TFB1M: variants seen among roughly 807,000 people sequenced by gnomAD.
TFB1M encodes dimethyladenosine transferase 1, mitochondrial.
TFB1M carries 27 observed loss-of-function variants against 31.1 expected under a neutral mutation model. The ratio of observed to expected loss-of-function variants is 0.87; its 90% CI spans 0.64 to 1.20. The LOEUF (loss-of-function observed/expected upper bound fraction) is 1.20. Ranked by LOEUF, TFB1M falls within the 50% of genes most tolerant of loss-of-function variation. TFB1M has a pLI of 0.00. For missense variants in TFB1M, 394 were observed against 418.7 expected (o/e 0.94, Z 0.51); for synonymous variants, 166 against 151.8 (o/e 1.09, Z -0.69).
At chr6:155,263,221 G>A (rs1784470981) in intron 5 of TFB1M, among the ~76,000 whole-genome samples, 1 of 152,070 alleles carries the variant, frequency 6.6e-6, no homozygotes, top group Admixed American at 6.6e-5. Context: ...ATACAAAAAT[G>A]TTTTTTACTT....
the TFB1M span, among the ~76,000 whole-genome samples, chr6:155,230,928 G>T: frequency 6.6e-6 from 1 of 151,608 alleles, no homozygotes. Context: ...CTGCCTCCCG[G>T]GTTCAAGCAG....
the TFB1M span, chr6:155,248,188 G>A: frequency 3.1e-6 from 5 of 1,611,534 alleles, no homozygotes; most frequent in African/African-American, 2.7e-5. Flanking sequence ...GGGTGAGGCG[G>A]CGGCGGCACC....
At chr6:155,265,741 A>T (rs925385815) in intron 5 of TFB1M, among the ~76,000 whole-genome samples, 1 of 145,750 alleles carries the variant, frequency 6.9e-6, no homozygotes, top group African/African-American at 2.5e-5. Context: ...TATATATTAT[A>T]TATAATATAT....
chr6:155,245,715 G>C, the TFB1M span: 1 of 1,596,232 alleles, frequency 6.3e-7, no homozygotes, highest in Non-Finnish European at 8.6e-7. Context: ...TCAAAGTACA[G>C]AAGGTTCTGG....
chr6:155,275,761 C>T, intron 5 of TFB1M: 2 of 1,614,144 alleles, frequency 1.2e-6, no homozygotes, highest in Non-Finnish European at 1.7e-6. Flanking sequence ...TCATCCTGGC[C>T]TTATCTGGGG....
chr6:155,312,895 A>G (rs1778079350), intron 1 of TFB1M, among the ~76,000 whole-genome samples: 1 of 152,042 alleles, frequency 6.6e-6, no homozygotes, highest in Admixed American at 6.6e-5. Context: ...CTATTACTAG[A>G]ACCAAAGAAT....
chr6:155,230,932 C>G, the TFB1M span, among the ~76,000 whole-genome samples: 8 of 150,984 alleles, frequency 5.3e-5, no homozygotes, highest in African/African-American at 1.7e-4. Context: ...CTCCCGGGTT[C>G]AAGCAGTCCT....
chr6:155,290,152 T>A (rs1027133536), intron 4 of TFB1M, among the ~76,000 whole-genome samples: 1 of 152,140 alleles, frequency 6.6e-6, no homozygotes, highest in African/African-American at 2.4e-5. Flanking sequence ...TTTAGGAGGC[T>A]GAGGCGTGTG....
intron 5 of TFB1M, chr6:155,276,064 C>T: frequency 6.2e-7 from 1 of 1,614,160 alleles, no homozygotes; most frequent in Non-Finnish European, 8.5e-7. Context: ...AAACCAAGAG[C>T]CATGCTTCCT....
intron 5 of TFB1M, chr6:155,276,201 G>A: frequency 6.2e-7 from 1 of 1,614,058 alleles, no homozygotes; most frequent in Non-Finnish European, 8.5e-7. Context: ...CATGAACCTG[G>A]AGGAGCTATC....
intron 5 of TFB1M, among the ~76,000 whole-genome samples, chr6:155,279,798 T>C (rs1359679068): frequency 6.6e-6 from 1 of 152,210 alleles, no homozygotes; most frequent in African/African-American, 2.4e-5. Flanking sequence ...TTTAGAATAC[T>C]TACCATTTAT....
chr6:155,259,897 T>G (rs1353933663), intron 6 of TFB1M, among the ~76,000 whole-genome samples: 1 of 152,222 alleles, frequency 6.6e-6, no homozygotes, highest in Non-Finnish European at 1.5e-5. Flanking sequence ...GAAGTCATAT[T>G]TGCTTCCTAG....
At chr6:155,261,252 C>T (rs1429526780) in intron 5 of TFB1M, among the ~76,000 whole-genome samples, 1 of 152,190 alleles carries the variant, frequency 6.6e-6, no homozygotes, top group Admixed American at 6.5e-5. Flanking sequence ...TGGGAAGTCT[C>T]GTCATAATTG....
At chr6:155,247,630 G>A in the TFB1M span, among the ~76,000 whole-genome samples, 13 of 152,224 alleles carry the variant, frequency 8.5e-5, no homozygotes, top group African/African-American at 3.1e-4. Context: ...ACCTGGCCAC[G>A]CTTCATGGCT....
chr6:155,273,552 C>T (rs1351823780), intron 5 of TFB1M, among the ~76,000 whole-genome samples: 1 of 152,184 alleles, frequency 6.6e-6, no homozygotes, highest in Non-Finnish European at 1.5e-5. Flanking sequence ...CTCTACAGTC[C>T]TTTTTTTCCT....
chr6:155,267,023 G>A (rs1291315171), intron 5 of TFB1M, among the ~76,000 whole-genome samples: 3 of 147,910 alleles, frequency 2.0e-5, no homozygotes, highest in Non-Finnish European at 3.0e-5. Flanking sequence ...AGGCTGGAGT[G>A]CAGTGCAGTG....
chr6:155,256,986 G>A lies in TFB1M; in HGVS notation c.*850C>T. On this transcript the variant is annotated 3_prime_UTR_variant, in exon 7 of 7. Coordinates refer to ENST00000367166, the MANE Select transcript of TFB1M (RefSeq NM_016020.4). ...TGCTCAAGGCGCAGATCCGTCACCA[G>A]TCCCTTGACAGTCAGTCTGAAAATG... 6.2e-7 allele frequency: 1 copy of A among 1,614,192 alleles called. No individual in the cohort carries two copies. The highest frequency in any genetic ancestry group is 1.6e-4 in the Middle Eastern group (1 of 6,062).
rs1215398307 is a variant in TFB1M at position 155,257,099 on chromosome 6, CAG to C, written c.*735_*736del. The C allele has an allele frequency of 1.2e-6, 2 of 1,601,182 alleles. No individual in the cohort carries two copies. Among genetic ancestry groups the C allele is most frequent in the Non-Finnish European group, 1.7e-6 (2 of 1,174,472 alleles). ...GTCAGTGAGGAGTGTTTTTATGAAA[CAG>C]AGAGCCACGGAAAATCATAGTATGA... is the stretch of plus-strand genomic sequence containing the variant. On this transcript the variant is annotated 3_prime_UTR_variant, in exon 7 of 7. Transcript: ENST00000367166.
chr6:155,257,728 G>T lies in TFB1M; in HGVS notation c.*108C>A. ...GTAAAAGGAAAATAAGTCACATCTG[G>T]TCATTGGCATTTGTATCGTCATTCT... On this transcript the variant is annotated 3_prime_UTR_variant, in exon 7 of 7. Transcript: ENST00000367166. 6 of 1,343,034 alleles carry T rather than the reference G, an allele frequency of 4.5e-6. No individual in the cohort carries two copies. The South Asian group carries it at 6.3e-5, about 14-fold the overall frequency. 83.2% of individuals were successfully genotyped at this position (1,343,034 alleles called of 1,614,324 possible).
Sources: allele counts gnomAD v4.1 joint callset (sites outside exome capture counted in the v4.1 genomes callset), GRCh38; gene constraint gnomAD v4.1.1; transcripts MANE v1.5; gene names NCBI Gene and HGNC (gene_info 2026-07-23, HGNC 2026-07-21).